The following KDM2A variants were observed in gnomAD, a reference collection of about 807,000 sequenced individuals.
KDM2A encodes the protein lysine demethylase 2A, also known as lysine-specific demethylase 2A.
KDM2A carries 3 observed loss-of-function variants against 137.3 expected under a neutral mutation model. That is an observed-to-expected ratio of 0.02 (90% CI 0.01 to 0.06). The LOEUF is 0.06. Ranked by LOEUF, KDM2A falls within the 10% of genes least tolerant of loss-of-function variation. The pLI, the probability that KDM2A is intolerant of heterozygous loss-of-function variation, is 1.00. For synonymous variants in KDM2A, 512 were observed against 541.5 expected (o/e 0.95, Z 0.76); for missense variants, 738 against 1,510.6 (o/e 0.49, Z 8.48).
Position 67,181,747 on chromosome 11 carries a change from T to TA in KDM2A, c.261-98dup, listed in dbSNP as rs141738871. 89 of 895,828 alleles carry TA rather than the reference T, an allele frequency of 9.9e-5. 1 individual carries two copies. Among genetic ancestry groups the TA allele is most frequent in the Non-Finnish European group, 1.4e-4 (76 of 549,822 alleles). 55.5% of individuals were successfully genotyped at this position (895,828 alleles called of 1,614,324 possible). A position where few individuals can be genotyped will look rare whatever the true frequency, so the allele number is the denominator to read the frequency against. ...TAATTTCAAACCTGATTGTGAATAT[T>TA]ACTGTGTCTGGGGAGTACTCAGTAC... is the stretch of plus-strand genomic sequence containing the variant. On this transcript the variant is annotated intron_variant, in intron 4 of 20. Transcript: ENST00000529006.
chr11:67,240,009 C>G (rs1858978836), intron 12 of KDM2A: 1 of 1,274,828 alleles, frequency 7.8e-7, no homozygotes, highest in Non-Finnish European at 9.9e-7. Context: ...CTGCCTGGCT[C>G]GCTCACTCTC....
chr11:67,133,324 A>G (rs1343313578), intron 2 of KDM2A, among the ~76,000 whole-genome samples: 1 of 151,484 alleles, frequency 6.6e-6, no homozygotes, highest in Admixed American at 6.6e-5. Context: ...CTGGTCTCAA[A>G]CTCCTGACCT....
In KDM2A at chr11:67,253,418, G is replaced by C. The variant is rs147199593; in HGVS notation, c.2933-35G>C. On this transcript the variant is annotated intron_variant, in intron 18 of 20. Transcript: ENST00000529006. ...ACGGCTCTGAGTATGCTGGGAAACA[G>C]TGTATTATTACATGTCTCATTCCAT... The C allele has an allele frequency of 3.1e-6, 5 of 1,591,616 alleles. No individual in the cohort carries two copies. The East Asian group carries it at 8.9e-5, about 28-fold the overall frequency.
chr11:67,195,934 CT>C, intron 5 of KDM2A: 1 of 417,136 alleles, frequency 2.4e-6, no homozygotes. Context: ...CTTACAGCAA[CT>C]TTCTTTGCCA....
In KDM2A at chr11:67,142,813, C is replaced by A. The variant is rs191523736; in HGVS notation, c.42+21455C>A. On this transcript the variant is annotated intron_variant, in intron 2 of 20. Coordinates refer to ENST00000529006, the MANE Select transcript of KDM2A (RefSeq NM_012308.3). Reference sequence around the variant, plus strand: ...GAAGTACAGTAATTAAAATTAGAAACATTTAAAAAACTTACTATGGAAAGA... The same window carrying A: ...GAAGTACAGTAATTAAAATTAGAAAAATTTAAAAAACTTACTATGGAAAGA... 3.4e-4 allele frequency among the ~76,000 whole-genome samples: 52 copies of A among 151,854 alleles called. 1 individual carries two copies. The highest frequency in any genetic ancestry group is 3.3e-3 in the Admixed American group (50 of 15,244).
chr11:67,213,788 C>G (rs962119338), intron 6 of KDM2A, among the ~76,000 whole-genome samples: 2 of 150,782 alleles, frequency 1.3e-5, no homozygotes, highest in Non-Finnish European at 3.0e-5. Context: ...TCTGTATTCT[C>G]ACATTATTTC....
intron 11 of KDM2A, among the ~76,000 whole-genome samples, chr11:67,228,739 T>G (rs1040337785): frequency 1.6e-4 from 25 of 151,690 alleles, no homozygotes; most frequent in Non-Finnish European, 3.4e-4. Context: ...CTAATATGCT[T>G]TTTGTTTTTG....
Position 67,255,070 on chromosome 11 carries a change from A to C in KDM2A, c.*15A>C. On this transcript the variant is annotated 3_prime_UTR_variant, in exon 21 of 21. Coordinates refer to ENST00000529006, the MANE Select transcript of KDM2A (RefSeq NM_012308.3). ...AGATCAGCTAAGACACACCCAGCCC[A>C]GATTCAACAGGAAACCGATCTTCCC... 2 of 1,600,932 alleles carry C rather than the reference A, an allele frequency of 1.2e-6. No homozygotes were observed. Among genetic ancestry groups the C allele is most frequent in the Non-Finnish European group, 1.7e-6 (2 of 1,173,596 alleles).
chr11:67,254,527 A>G lies in KDM2A; in HGVS notation c.3307+109A>G, dbSNP rs1565429077. Reference sequence around the variant, plus strand: ...TTGGGTCTGTTGATTGACCCACATCAGCTCATTTCTTCACATCTGGACAAG... The same window carrying G: ...TTGGGTCTGTTGATTGACCCACATCGGCTCATTTCTTCACATCTGGACAAG... On this transcript the variant is annotated intron_variant, in intron 20 of 20. Transcript: ENST00000529006. The surrounding 1 kb of genome is among the most constrained non-coding windows in gnomAD (Gnocchi z 4.7). The G allele has an allele frequency of 2.2e-6, 2 of 915,800 alleles. No individual in the cohort carries two copies. Among genetic ancestry groups the G allele is most frequent in the Non-Finnish European group, 3.5e-6 (2 of 570,454 alleles). The allele number at this position is 915,800 out of a possible 1,614,324, so 56.7% of individuals were successfully genotyped here.
At chr11:67,187,952 T>C (rs572045132) in intron 5 of KDM2A, among the ~76,000 whole-genome samples, 1 of 152,190 alleles carries the variant, frequency 6.6e-6, no homozygotes, top group East Asian at 1.9e-4. Flanking sequence ...CCCAGCACTT[T>C]GGGAGGCTGA....
chr11:67,125,694 G>A (rs190735253), intron 2 of KDM2A, among the ~76,000 whole-genome samples: 10 of 150,094 alleles, frequency 6.7e-5, no homozygotes, highest in African/African-American at 2.0e-4. Flanking sequence ...CAGGAGAATC[G>A]CTTGAACCTG....
chr11:67,188,790 C>CAAA (rs1207477143), intron 5 of KDM2A, among the ~76,000 whole-genome samples: 4 of 73,758 alleles, frequency 5.4e-5, no homozygotes, highest in Non-Finnish European at 9.4e-5. Context: ...GACACTGTCT[C>CAAA]AAAAAAAAAA....
intron 2 of KDM2A, among the ~76,000 whole-genome samples, chr11:67,143,619 TTTTATTTA>T (rs959623132): frequency 6.6e-5 from 10 of 151,838 alleles, no homozygotes; most frequent in South Asian, 6.2e-4. Flanking sequence ...GTCTTTCTCT[TTTTATTTA>T]TTTATTTATT....
At chr11:67,251,081 G>C (rs1389946629) in intron 17 of KDM2A, among the ~76,000 whole-genome samples, 4 of 152,136 alleles carry the variant, frequency 2.6e-5, no homozygotes, top group African/African-American at 9.7e-5. Context: ...TTTGTAGTCT[G>C]TGATAAAACT....
chr11:67,238,322 G>A (rs745771076), intron 12 of KDM2A, among the ~76,000 whole-genome samples: 1 of 151,976 alleles, frequency 6.6e-6, no homozygotes, highest in Admixed American at 6.6e-5. Context: ...TTGAACTTAC[G>A]TTTGTTTTAA....
chr11:67,205,913 T>C (rs887557301), intron 5 of KDM2A, among the ~76,000 whole-genome samples: 4 of 152,198 alleles, frequency 2.6e-5, no homozygotes, highest in African/African-American at 9.7e-5. Context: ...ATTCTACTTA[T>C]TCTTCTCCCT....
intron 10 of KDM2A, among the ~76,000 whole-genome samples, chr11:67,227,152 G>T (rs1215261404): frequency 6.6e-6 from 1 of 152,200 alleles, no homozygotes; most frequent in Non-Finnish European, 1.5e-5. Context: ...GACAGTGATT[G>T]ATTAAGTCGT....
chr11:67,168,326 CCT>C (rs1477849201), intron 2 of KDM2A, among the ~76,000 whole-genome samples: 2 of 151,896 alleles, frequency 1.3e-5, no homozygotes, highest in Non-Finnish European at 2.9e-5. Flanking sequence ...TCCCCCAAAC[CCT>C]CTGTGTTAGT....
In KDM2A at chr11:67,141,004, T is replaced by C. The variant is rs910055806; in HGVS notation, c.42+19646T>C. ...TTTCTCCAGACCTCTTACCTCATGC[T>C]TGCTCAAGTCAAAGGTTGATAAATA... is the stretch of plus-strand genomic sequence containing the variant. On this transcript the variant is annotated intron_variant, in intron 2 of 20. Transcript: ENST00000529006. Among the ~76,000 whole-genome samples the C allele has an allele frequency of 3.9e-5, 6 of 152,272 alleles. No individual in the cohort carries two copies. The East Asian group carries it at 9.7e-4, about 25-fold the overall frequency.
Sources: gnomAD v4.1 joint callset for allele counts (sites outside exome capture counted in the v4.1 genomes callset) on GRCh38, gnomAD v4.1.1 for gene constraint, Gnocchi (gnomAD v3.1) non-coding constraint, MANE v1.5 for transcripts, NCBI Gene and HGNC (gene_info 2026-07-23, HGNC 2026-07-21) for gene names.